HK2: variants seen among roughly 807,000 people sequenced by gnomAD.
HK2 encodes hexokinase-2.
Under a neutral mutation model 92.9 loss-of-function variants are expected in HK2, and 42 were observed. The observed-to-expected ratio is 0.45, with a 90% CI of 0.35 to 0.58. HK2 has a LOEUF of 0.58. Among genes scored for constraint, HK2 ranks in the 20% least tolerant of loss-of-function variants. The pLI is 0.00. For synonymous variants in HK2, 422 were observed against 468.0 expected, an observed-to-expected ratio of 0.90 and a Z score of 1.27; for missense variants, 978 against 1,245.1, an observed-to-expected ratio of 0.79 and a Z score of 3.23.
At position 74,874,180 on chromosome 2, in the gene HK2, G is replaced by A. The variant is rs1414285737; in HGVS notation, c.692-86G>A. 3.9e-6 allele frequency: 6 copies of A among 1,536,442 alleles called. No homozygotes were observed. The African/African-American group carries it at 6.8e-5, about 17-fold the overall frequency. On this transcript the variant is annotated intron_variant, in intron 6 of 17. Transcript: ENST00000290573. ...GAGAAATCCCAGCCATCCTGGCCGGGCAGTCTCGGGACAGTAGTATAAGAG... is the reference window on the plus strand; with the variant it reads ...GAGAAATCCCAGCCATCCTGGCCGGACAGTCTCGGGACAGTAGTATAAGAG...
At chr2:74,873,466 G>T (rs913589029) in intron 5 of HK2, 95 bp downstream of exon 5, 1 of 829,532 alleles carries the variant, frequency 1.2e-6, no homozygotes, top group African/African-American at 1.7e-5. Context: ...GTTTGCTTAC[G>T]TGGAGCTTAA....
Position 74,886,495 on chromosome 2 carries a change from G to T in HK2, c.2041G>T (p.Gly681Cys). The change falls in exon 15 of 18, where the codon GGC becomes TGC. Residue 681 changes from glycine to cysteine, a missense_variant. Gly to Cys is a radical substitution (Grantham distance 159). Coordinates refer to ENST00000290573, the MANE Select transcript of HK2 (RefSeq NM_000189.5). Reference sequence around the variant, plus strand: ...TGGTATCCTGTGATTGGCAGGCACGGGCAGCAATGCCTGCTACATGGAGGA... The same window carrying T: ...TGGTATCCTGTGATTGGCAGGCACGTGCAGCAATGCCTGCTACATGGAGGA... ...HCEVGLIVGT[G>C]SNACYMEEMR... 3 of 1,614,056 alleles carry T rather than the reference G, an allele frequency of 1.9e-6. No homozygotes were observed. The highest frequency in any genetic ancestry group is 2.5e-6 in the Non-Finnish European group (3 of 1,179,980).
chr2:74,866,516 A>G (rs1284258053), intron 2 of HK2, among the ~76,000 whole-genome samples: 4 of 152,130 alleles, frequency 2.6e-5, no homozygotes, highest in African/African-American at 2.4e-5. Context: ...CCTCTTCAGC[A>G]CTTTCATTCT....
chr2:74,891,278 T>C lies in HK2; in HGVS notation c.*337T>C. 1 of 353,930 alleles carries C rather than the reference T, an allele frequency of 2.8e-6. No homozygotes were observed. The highest frequency in any genetic ancestry group is 5.4e-6 in the Non-Finnish European group (1 of 183,862). The allele number at this position is 353,930 out of a possible 1,614,324, so 21.9% of individuals were successfully genotyped here. ...TACAGGATGGGGACACTAATGAAGA[T>C]ACGGTTGCTTCACCTTGGAGCCTGA... On this transcript the variant is annotated 3_prime_UTR_variant, in exon 18 of 18. Transcript: ENST00000290573.
At chr2:74,857,409 T>C (rs1256010074) in intron 2 of HK2, among the ~76,000 whole-genome samples, 1 of 152,240 alleles carries the variant, frequency 6.6e-6, no homozygotes, top group Non-Finnish European at 1.5e-5. Flanking sequence ...TATGTATATA[T>C]GACAACTCAG....
In HK2 at chr2:74,834,511, C is replaced by A. The variant is rs1267516818; in HGVS notation, c.-70C>A. The A allele has an allele frequency of 6.6e-7, 1 of 1,509,298 alleles. No homozygotes were observed. The highest frequency in any genetic ancestry group is 2.3e-5 in the East Asian group (1 of 44,130). The allele number at this position is 1,509,298 out of a possible 1,614,324, so 93.5% of individuals were successfully genotyped here. ...GAGCCCCAGCACAAAGCAGTCGGAC[C>A]GCGCCGCCCGCCTCCCCTCTCGCGT... On this transcript the variant is annotated 5_prime_UTR_variant, in exon 1 of 18. Transcript: ENST00000290573. The surrounding 1 kb of genome is among the most constrained non-coding windows in gnomAD (Gnocchi z 4.2).
intron 3 of HK2, among the ~76,000 whole-genome samples, chr2:74,869,333 AT>A (rs1689038836): frequency 6.6e-6 from 1 of 152,230 alleles, no homozygotes; most frequent in African/African-American, 2.4e-5. Flanking sequence ...AAGGAAGTTC[AT>A]TGTGGCTATT....
chr2:74,871,173 T>G (rs1164111484), intron 3 of HK2, among the ~76,000 whole-genome samples: 2 of 152,184 alleles, frequency 1.3e-5, no homozygotes, highest in African/African-American at 4.8e-5. Flanking sequence ...CTATAGTCGG[T>G]CTGTGGGGGC....
intron 1 of HK2, among the ~76,000 whole-genome samples, chr2:74,848,469 ATTAAT>A (rs5832142): frequency 0.22 from 33,450 of 152,080 alleles, 4,258 homozygotes; most frequent in African/African-American, 0.35. Context: ...CATTTCCAGA[ATTAAT>A]TTCTTGTAAA....
chr2:74,858,737 C>G (rs946154572), intron 2 of HK2, among the ~76,000 whole-genome samples: 1 of 152,242 alleles, frequency 6.6e-6, no homozygotes, highest in African/African-American at 2.4e-5. Flanking sequence ...CTTATACCAG[C>G]TCCAATTATC....
intron 7 of HK2, among the ~76,000 whole-genome samples, chr2:74,875,327 GTTTTTTTTTT>G (rs61418530): frequency 2.7e-5 from 3 of 112,088 alleles, no homozygotes; most frequent in African/African-American, 1.1e-4. Flanking sequence ...CCTTGCTTTC[GTTTTTTTTTT>G]TTTTTTTTTG....
chr2:74,846,850 G>T (rs1252921511), intron 1 of HK2, among the ~76,000 whole-genome samples: 1 of 152,172 alleles, frequency 6.6e-6, no homozygotes, highest in Non-Finnish European at 1.5e-5. Flanking sequence ...TAAAGCAGAC[G>T]AAAGTAGTCA....
chr2:74,862,630 C>T (rs575785654), intron 2 of HK2, among the ~76,000 whole-genome samples: 21 of 152,136 alleles, frequency 1.4e-4, no homozygotes, highest in Non-Finnish European at 2.8e-4. Flanking sequence ...AACTGTACAG[C>T]GGAGACATAC....
intron 3 of HK2, among the ~76,000 whole-genome samples, chr2:74,869,429 C>T (rs1689041534): frequency 6.6e-6 from 1 of 152,116 alleles, no homozygotes; most frequent in Non-Finnish European, 1.5e-5. Flanking sequence ...TAAAGGAAAA[C>T]AAATGGATTG....
At chr2:74,837,501 G>A (rs532280837) in intron 1 of HK2, among the ~76,000 whole-genome samples, 2 of 152,184 alleles carry the variant, frequency 1.3e-5, no homozygotes, top group East Asian at 3.9e-4. Context: ...TACTTTGGAG[G>A]CCTGCTAAGG....
At chr2:74,854,888 T>C (rs1288412037) in intron 2 of HK2, among the ~76,000 whole-genome samples, 1 of 152,200 alleles carries the variant, frequency 6.6e-6, no homozygotes, top group Non-Finnish European at 1.5e-5. Context: ...CGTGTAGGCA[T>C]GTGGGAGGGA....
At chr2:74,870,990 C>T (rs1372616362) in intron 3 of HK2, among the ~76,000 whole-genome samples, 3 of 152,174 alleles carry the variant, frequency 2.0e-5, no homozygotes, top group African/African-American at 7.2e-5. Context: ...ATACCCTAGG[C>T]ATCAGGAGAT....
intron 3 of HK2, among the ~76,000 whole-genome samples, chr2:74,868,287 C>A (rs1689009430): frequency 6.6e-6 from 1 of 152,074 alleles, no homozygotes; most frequent in South Asian, 2.1e-4. Context: ...GGCATTTGAG[C>A]TTTACCGAAG....
intron 3 of HK2, among the ~76,000 whole-genome samples, chr2:74,868,480 T>C (rs1689014527): frequency 6.6e-6 from 1 of 152,190 alleles, no homozygotes; most frequent in Non-Finnish European, 1.5e-5. Flanking sequence ...AAAGGGATGA[T>C]AGTGTACGGA....
Sources: allele counts gnomAD v4.1 joint callset (sites outside exome capture counted in the v4.1 genomes callset), GRCh38; gene constraint gnomAD v4.1.1; non-coding constraint Gnocchi (gnomAD v3.1); transcripts MANE v1.5; gene names NCBI Gene and HGNC (gene_info 2026-07-23, HGNC 2026-07-21).